The following ATP6V0D2 variants were observed in gnomAD, a reference collection of about 807,000 sequenced individuals.
ATP6V0D2 encodes V-type proton ATPase subunit d 2.
A neutral mutation model predicts 40.0 loss-of-function variants in ATP6V0D2; 40 were observed. That is an observed-to-expected ratio of 1.00 (90% CI 0.78 to 1.30). The LOEUF (loss-of-function observed/expected upper bound fraction) is 1.30. ATP6V0D2 is among the 50% of genes most tolerant of loss of function. The pLI is 0.00. For synonymous variants in ATP6V0D2, 179 were observed against 156.3 expected (o/e 1.15, Z -1.08); for missense variants, 470 against 423.1 (o/e 1.11, Z -0.97).
At chr8:86,135,742 G>A (rs1563563119) in intron 2 of ATP6V0D2, among the ~76,000 whole-genome samples, 1 of 152,144 alleles carries the variant, frequency 6.6e-6, no homozygotes, top group Non-Finnish European at 1.5e-5. Flanking sequence ...ACCATGAGTA[G>A]GAGAAAAATT....
chr8:86,149,451 G>C (rs1043841774), intron 5 of ATP6V0D2, among the ~76,000 whole-genome samples: 1 of 152,158 alleles, frequency 6.6e-6, no homozygotes, highest in Non-Finnish European at 1.5e-5. Context: ...CTACCTGGAA[G>C]ATCATGTAGC....
intron 1 of ATP6V0D2, among the ~76,000 whole-genome samples, chr8:86,105,986 G>A (rs1463413581): frequency 6.6e-6 from 1 of 151,976 alleles, no homozygotes; most frequent in Non-Finnish European, 1.5e-5. Context: ...GCCTAAGAGT[G>A]TATTTTGCAT....
Position 86,139,546 on chromosome 8 carries a change from C to T in ATP6V0D2, c.392C>T (p.Pro131Leu), listed in dbSNP as rs879042975. 4 of 1,613,796 alleles carry T rather than the reference C, an allele frequency of 2.5e-6. No homozygotes were observed. The South Asian group carries it at 3.3e-5, about 13-fold the overall frequency. ...AAAGAAATTCTGGGGAAGTGCCACC[C>T]CTTGGGCCGTTTCACAGAAATGGAA... ...SVKEILGKCHPLGRFTEMEAV... is the reference protein window; with the variant it reads ...SVKEILGKCHLLGRFTEMEAV... Residue 131 changes from proline (P) to leucine (L), a missense_variant, in exon 3 of 8, where the codon CCC becomes CTC. Pro to Leu is a moderately conservative substitution (Grantham distance 98). Coordinates refer to ENST00000285393, the MANE Select transcript of ATP6V0D2 (RefSeq NM_152565.1).
intron 2 of ATP6V0D2, among the ~76,000 whole-genome samples, chr8:86,117,220 T>C (rs765719124): frequency 3.3e-5 from 5 of 152,240 alleles, no homozygotes; most frequent in Non-Finnish European, 7.3e-5. Context: ...AATGTTTTCA[T>C]TCATTGCCTT....
Position 86,118,344 on chromosome 8 carries a change from G to A in ATP6V0D2, c.302+4464G>A, listed in dbSNP as rs538679425. Among the ~76,000 whole-genome samples, 499 of 151,794 alleles carry A rather than the reference G, an allele frequency of 3.3e-3. 2 individuals are homozygous for A. Among genetic ancestry groups the A allele is most frequent in the Non-Finnish European group, 5.2e-3 (351 of 67,924 alleles). On this transcript the variant is annotated intron_variant, in intron 2 of 7. Transcript: ENST00000285393. Reference sequence around the variant, plus strand: ...CCGCCTCAGACTTTCAAAGTGCTGGGATTACAGGCGTGAGCCACCGCGCCT... The same window carrying A: ...CCGCCTCAGACTTTCAAAGTGCTGGAATTACAGGCGTGAGCCACCGCGCCT...
chr8:86,149,197 C>T (rs183522005), intron 5 of ATP6V0D2, among the ~76,000 whole-genome samples: 26 of 151,850 alleles, frequency 1.7e-4, no homozygotes, highest in Admixed American at 6.6e-4. Context: ...AGAAGAGCTG[C>T]GTAGCCCAAG....
chr8:86,109,150 TTC>T (rs1321276586), intron 1 of ATP6V0D2, among the ~76,000 whole-genome samples: 1 of 151,984 alleles, frequency 6.6e-6, no homozygotes, highest in African/African-American at 2.4e-5. Flanking sequence ...GCTTGGGAGG[TTC>T]TGTCCCTTAC....
intron 7 of ATP6V0D2, 101 bp from the exon 8 acceptor site, chr8:86,152,715 C>A (rs1586108139): frequency 8.3e-7 from 1 of 1,203,522 alleles, no homozygotes; most frequent in Non-Finnish European, 1.1e-6. Flanking sequence ...TGTTTAAACA[C>A]AAATAAGCAC....
chr8:86,120,959 G>T (rs1297888680), intron 2 of ATP6V0D2, among the ~76,000 whole-genome samples: 1 of 152,074 alleles, frequency 6.6e-6, no homozygotes, highest in Non-Finnish European at 1.5e-5. Context: ...GATCTAGTTG[G>T]CCTTGGAATG....
At chr8:86,109,410 T>G (rs987752688) in intron 1 of ATP6V0D2, among the ~76,000 whole-genome samples, 17 of 152,316 alleles carry the variant, frequency 1.1e-4, no homozygotes, top group African/African-American at 4.1e-4. Context: ...CAGATTCTCT[T>G]GGAATCTGAA....
intron 5 of ATP6V0D2, among the ~76,000 whole-genome samples, chr8:86,145,291 AAGAAAGAAAGAAAG>A (rs2130280196): frequency 1.8e-5 from 2 of 111,096 alleles, no homozygotes; most frequent in African/African-American, 6.8e-5. Context: ...GAAAGAAAGA[AAGAAAGAAAGAAAG>A]AAAGAAAAGA....
chr8:86,148,211 C>T (rs1563567202), intron 5 of ATP6V0D2, among the ~76,000 whole-genome samples: 1 of 152,166 alleles, frequency 6.6e-6, no homozygotes, highest in Admixed American at 6.6e-5. Context: ...TTTCTTATTG[C>T]CACGAAATCT....
chr8:86,120,227 C>G (rs1252885588), intron 2 of ATP6V0D2, among the ~76,000 whole-genome samples: 1 of 152,122 alleles, frequency 6.6e-6, no homozygotes, highest in African/African-American at 2.4e-5. Context: ...GACACCCTGT[C>G]TCTACAAGAG....
At chr8:86,141,315 A>C in intron 3 of ATP6V0D2, 135 bp from the exon 4 acceptor site, 1 of 576,096 alleles carries the variant, frequency 1.7e-6, no homozygotes, top group South Asian at 2.4e-5. Flanking sequence ...AGCCCTATTT[A>C]GTGGAGTGTA....
chr8:86,150,439 C>T (rs1646345434), intron 6 of ATP6V0D2, 151 bp downstream of exon 6: 1 of 818,492 alleles, frequency 1.2e-6, no homozygotes, highest in Non-Finnish European at 1.9e-6. Flanking sequence ...GCAATCTCTC[C>T]CTAAGAAACA....
At chr8:86,132,436 GTATATT>G in intron 2 of ATP6V0D2, among the ~76,000 whole-genome samples, 1 of 152,026 alleles carries the variant, frequency 6.6e-6, no homozygotes, top group East Asian at 1.9e-4. Flanking sequence ...TTATCTAACT[GTATATT>G]TATACCTCTT....
chr8:86,110,881 C>G (rs753540795), intron 1 of ATP6V0D2, among the ~76,000 whole-genome samples: 1 of 152,180 alleles, frequency 6.6e-6, no homozygotes, highest in South Asian at 2.1e-4. Context: ...CATCATAAGA[C>G]CTCCGCCAGG....
At position 86,152,814 on chromosome 8, in the gene ATP6V0D2, A is replaced by T. The variant is rs998567000; in HGVS notation, c.892-2A>T. The T allele has an allele frequency of 6.3e-7, 1 of 1,585,882 alleles. No individual in the cohort carries two copies. The highest frequency in any genetic ancestry group is 8.5e-7 in the Non-Finnish European group (1 of 1,171,252). On this transcript the variant is annotated splice_acceptor_variant, in intron 7 of 7. Transcript: ENST00000285393. LOFTEE classifies it high-confidence loss of function. Reference sequence around the variant, plus strand: ...TCTGTGTTACTTTTTTTCTTTCCTCAGGTACAAATGAATGTGCTGGCATTC... The same window carrying T: ...TCTGTGTTACTTTTTTTCTTTCCTCTGGTACAAATGAATGTGCTGGCATTC...
At chr8:86,128,388 G>A (rs998770647) in intron 2 of ATP6V0D2, among the ~76,000 whole-genome samples, 9 of 152,008 alleles carry the variant, frequency 5.9e-5, no homozygotes, top group African/African-American at 2.2e-4. Context: ...CAATAAAAGG[G>A]ATGTAGCTCC....
Sources: gnomAD v4.1 joint callset for allele counts (sites outside exome capture counted in the v4.1 genomes callset) on GRCh38, gnomAD v4.1.1 for gene constraint, MANE v1.5 for transcripts, NCBI Gene and HGNC (gene_info 2026-07-23, HGNC 2026-07-21) for gene names.